The following UBE4B variants were observed in gnomAD, a reference collection of about 807,000 sequenced individuals.
UBE4B encodes the protein ubiquitin conjugation factor E4 B.
A neutral mutation model predicts 148.1 loss-of-function variants in UBE4B; 27 were observed. The ratio of observed to expected loss-of-function variants is 0.18; its 90% CI spans 0.13 to 0.25. UBE4B has a LOEUF of 0.25. UBE4B is among the 10% of genes least tolerant of loss of function. The probability of loss-of-function intolerance (pLI) is 1.00; values close to 1 mark genes in which losing one functional copy is unlikely to be tolerated. For missense variants in UBE4B, 1,170 were observed against 1,662.4 expected (o/e 0.70, Z 5.15); for synonymous variants, 596 against 619.3 (o/e 0.96, Z 0.56).
chr1:10,070,919 A>C (rs1478429183), intron 1 of UBE4B, among the ~76,000 whole-genome samples: 1 of 152,008 alleles, frequency 6.6e-6, no homozygotes, highest in Non-Finnish European at 1.5e-5. Flanking sequence ...TTTATTCATT[A>C]ATTTATTTTG....
intron 1 of UBE4B, among the ~76,000 whole-genome samples, chr1:10,043,536 C>G (rs556377154): frequency 1.4e-5 from 2 of 146,556 alleles, no homozygotes; most frequent in African/African-American, 5.0e-5. Flanking sequence ...ACACCATTTT[C>G]CTGCCTCAGC....
intron 7 of UBE4B, among the ~76,000 whole-genome samples, chr1:10,111,440 TCTC>T (rs1557563353): frequency 6.6e-6 from 1 of 152,006 alleles, no homozygotes; most frequent in Non-Finnish European, 1.5e-5. Flanking sequence ...GCTCCCTCAC[TCTC>T]CTCAGGTCTA....
At chr1:10,114,315 A>T (rs1557565798) in intron 7 of UBE4B, among the ~76,000 whole-genome samples, 1 of 152,200 alleles carries the variant, frequency 6.6e-6, no homozygotes, top group Non-Finnish European at 1.5e-5. Context: ...CTGAGTTATG[A>T]ATGTTAGCAG....
At position 10,147,043 on chromosome 1, in the gene UBE4B, C is replaced by G; in HGVS notation, c.2544C>G (p.Gly848=). 1.2e-6 allele frequency: 2 copies of G among 1,614,136 alleles called. No individual in the cohort carries two copies. Among genetic ancestry groups the G allele is most frequent in the South Asian group, 2.2e-5 (2 of 91,076 alleles). The stretch of plus-strand genomic sequence containing the variant: ...TGAGAAGATGTCTGAATTTTTATGG[C>G]CTTCTCATTCAGCTGCTGCTCCGCA... ...SFLRRCLNFY[G]LLIQLLLRIL... is the part of the protein sequence containing the mutation. The change falls in exon 19 of 28, where the codon GGC becomes GGG. Residue 848 remains glycine (G), a synonymous_variant. Coordinates refer to ENST00000343090, the MANE Select transcript of UBE4B (RefSeq NM_001105562.3).
At chr1:10,083,880 C>G (rs1483323478) in intron 2 of UBE4B, among the ~76,000 whole-genome samples, 1 of 152,154 alleles carries the variant, frequency 6.6e-6, no homozygotes, top group Non-Finnish European at 1.5e-5. Flanking sequence ...CAGCATTATT[C>G]CTAGGGTCAT....
intron 25 of UBE4B, among the ~76,000 whole-genome samples, chr1:10,173,355 G>A (rs980429984): frequency 4.6e-5 from 7 of 151,614 alleles, no homozygotes; most frequent in African/African-American, 1.2e-4. Flanking sequence ...GGTGGCGGGC[G>A]CCTGTAGTCC....
chr1:10,075,727 C>G (rs953649114), intron 2 of UBE4B, among the ~76,000 whole-genome samples: 7 of 152,262 alleles, frequency 4.6e-5, no homozygotes, highest in Non-Finnish European at 8.8e-5. Context: ...AAAAAACAAA[C>G]AGAAAATCTC....
chr1:10,103,714 C>G (rs1021713523), intron 5 of UBE4B, among the ~76,000 whole-genome samples: 3 of 150,308 alleles, frequency 2.0e-5, no homozygotes, highest in African/African-American at 7.3e-5. Context: ...CACTGCAACT[C>G]CCACCTCCTG....
At chr1:10,103,869 G>T (rs923873703) in intron 5 of UBE4B, among the ~76,000 whole-genome samples, 4 of 152,104 alleles carry the variant, frequency 2.6e-5, no homozygotes, top group Admixed American at 6.6e-5. Context: ...CTCGTGATCC[G>T]CCCGCCTTGG....
rs2101874688 is a variant in UBE4B, at chr1:10,095,546, T to G, written c.297T>G (p.Ser99=). The part of the protein sequence containing the change: ...PSNSLETQSQ[S]LSRSQSMDID... Reference sequence around the variant, plus strand: ...ATAGCCTTGAAACGCAATCTCAGTCTCTCTCACGTTCCCAGAGCATGGATA... The same window carrying G: ...ATAGCCTTGAAACGCAATCTCAGTCGCTCTCACGTTCCCAGAGCATGGATA... The change falls in exon 3 of 28, where the codon TCT becomes TCG. Residue 99 remains serine (S), a synonymous_variant. Coordinates refer to ENST00000343090, the MANE Select transcript of UBE4B (RefSeq NM_001105562.3). 1 of 1,614,136 alleles carries G rather than the reference T, an allele frequency of 6.2e-7. No individual in the cohort carries two copies. The highest frequency in any genetic ancestry group is 2.2e-5 in the East Asian group (1 of 44,878).
chr1:10,092,901 G>A (rs1033196039), intron 2 of UBE4B, among the ~76,000 whole-genome samples: 7 of 152,100 alleles, frequency 4.6e-5, no homozygotes, highest in Non-Finnish European at 1.0e-4. Context: ...AGGAGCACTT[G>A]TATACATAAT....
intron 2 of UBE4B, 58 bp from the exon 3 acceptor site, chr1:10,095,403 C>G: frequency 6.3e-7 from 1 of 1,599,294 alleles, no homozygotes; most frequent in South Asian, 1.1e-5. Context: ...GTCGCTATTA[C>G]AAATAACTTG....
At chr1:10,115,524 A>G (rs1199912457) in intron 7 of UBE4B, among the ~76,000 whole-genome samples, 1 of 150,996 alleles carries the variant, frequency 6.6e-6, no homozygotes, top group African/African-American at 2.4e-5. Context: ...CACCTACCTT[A>G]GCCTCCCAAA....
chr1:10,090,877 G>A (rs561059510), intron 2 of UBE4B, among the ~76,000 whole-genome samples: 9 of 150,358 alleles, frequency 6.0e-5, no homozygotes, highest in African/African-American at 2.2e-4. Context: ...GTAGATATTT[G>A]GTCTAGTTTG....
intron 18 of UBE4B, among the ~76,000 whole-genome samples, chr1:10,146,069 C>CTTCAAGAT (rs1429175882): frequency 3.9e-5 from 6 of 152,300 alleles, no homozygotes; most frequent in African/African-American, 1.4e-4. Flanking sequence ...GACTAGACTT[C>CTTCAAGAT]TTCAAGATGC....
In UBE4B at chr1:10,179,534, G is replaced by A. The variant is rs1646475461; in HGVS notation, c.3819G>A (p.Gln1273=). The A allele has an allele frequency of 1.2e-6, 2 of 1,613,640 alleles. No individual in the cohort carries two copies. The highest frequency in any genetic ancestry group is 1.7e-5 in the Admixed American group (1 of 59,990). The change falls in exon 27 of 28, where the codon CAG becomes CAA. Residue 1273 remains glutamine, a synonymous_variant. Transcript: ENST00000343090. Reference sequence around the variant, plus strand: ...CCCCCACGGACCCCTTCAACCGGCAGACGCTGACAGAGAGCATGCTGGAAC... The same window carrying A: ...CCCCCACGGACCCCTTCAACCGGCAAACGCTGACAGAGAGCATGCTGGAAC... The part of the protein sequence containing the change: ...LNSPTDPFNR[Q]TLTESMLEPV...
At chr1:10,157,045 T>G (rs560069277) in intron 21 of UBE4B, among the ~76,000 whole-genome samples, 31 of 152,270 alleles carry the variant, frequency 2.0e-4, no homozygotes, top group Non-Finnish European at 3.8e-4. Context: ...AGACAGAGTC[T>G]TGCTTTGTCG....
chr1:10,118,868 CTTTTTTTTTTTTTTTTTT>C (rs35822677), intron 8 of UBE4B, among the ~76,000 whole-genome samples: 6 of 23,078 alleles, frequency 2.6e-4, no homozygotes, highest in East Asian at 1.3e-3. Flanking sequence ...CCAGGCTGGT[CTTTTTTTTTTTTTTTTTT>C]TTTTTTTTTT....
intron 6 of UBE4B, 101 bp downstream of exon 6, chr1:10,105,845 G>C: frequency 3.0e-5 from 34 of 1,151,108 alleles, no homozygotes; most frequent in Non-Finnish European, 3.6e-5. Context: ...GTGTCATACA[G>C]GGTATGGCAT....
Sources: gnomAD v4.1 joint callset for allele counts (sites outside exome capture counted in the v4.1 genomes callset) on GRCh38, gnomAD v4.1.1 for gene constraint, MANE v1.5 for transcripts, NCBI Gene and HGNC (gene_info 2026-07-23, HGNC 2026-07-21) for gene names.